Variants in AMOTL1 observed in about 807,000 individuals in gnomAD.
The protein encoded by AMOTL1 is angiomotin like 1.
AMOTL1 carries 45 observed loss-of-function variants against 102.9 expected under a neutral mutation model. That is an observed-to-expected ratio of 0.44 (90% confidence interval 0.34 to 0.56). The LOEUF (loss-of-function observed/expected upper bound fraction) is 0.56, where lower values mean the gene tolerates loss of function less well. Ranked by LOEUF, AMOTL1 falls within the 20% of genes least tolerant of loss-of-function variation. The probability of loss-of-function intolerance (pLI) is 0.01; values close to 1 mark genes in which losing one functional copy is unlikely to be tolerated. For synonymous variants in AMOTL1, 481 were observed against 484.7 expected (o/e 0.99, Z 0.10); for missense variants, 1,114 against 1,225.6 (o/e 0.91, Z 1.36).
At chr11:94,788,896 A>G (rs1207451333) in intron 1 of AMOTL1, among the ~76,000 whole-genome samples, 8 of 152,204 alleles carry the variant, frequency 5.3e-5, no homozygotes, top group Non-Finnish European at 1.0e-4. Context: ...GAGAGAGTCT[A>G]AGTTAAATAG....
intron 1 of AMOTL1, among the ~76,000 whole-genome samples, chr11:94,726,421 T>G (rs942757529): frequency 1.3e-5 from 2 of 152,172 alleles, no homozygotes; most frequent in African/African-American, 4.8e-5. Context: ...ATTCCAGTAT[T>G]CCATAGACCC....
At position 94,831,434 on chromosome 11, in the gene AMOTL1, T is replaced by C. The variant is rs1952068945; in HGVS notation, c.1559-18T>C. The C allele has an allele frequency of 6.3e-7, 1 of 1,592,354 alleles. No individual in the cohort carries two copies. The highest frequency in any genetic ancestry group is 8.6e-7 in the Non-Finnish European group (1 of 1,163,800). On this transcript the variant is annotated intron_variant, in intron 5 of 12. Transcript: ENST00000433060. The stretch of plus-strand genomic sequence containing the variant: ...ATCCATATACATTTCTTTGTAATCA[T>C]TTCCTCTTTGTTCATAGATCGACTA...
chr11:94,773,961 G>A (rs1002527656), intron 1 of AMOTL1, among the ~76,000 whole-genome samples: 2 of 152,148 alleles, frequency 1.3e-5, no homozygotes, highest in African/African-American at 2.4e-5. Flanking sequence ...GTGTGACCTC[G>A]GAATTGTACA....
At chr11:94,829,698 T>C (rs1952036392) in intron 4 of AMOTL1, among the ~76,000 whole-genome samples, 1 of 152,194 alleles carries the variant, frequency 6.6e-6, no homozygotes, top group Admixed American at 6.5e-5. Context: ...ATTTTCCTGA[T>C]GTTAACTGGG....
intron 11 of AMOTL1, 109 bp from the exon 12 acceptor site, chr11:94,869,089 A>G (rs1382312106): frequency 3.2e-6 from 4 of 1,255,296 alleles, no homozygotes; most frequent in Non-Finnish European, 4.3e-6. Context: ...GAATGAATCA[A>G]TGAATGAATG....
intron 1 of AMOTL1, among the ~76,000 whole-genome samples, chr11:94,779,406 A>C (rs1405680263): frequency 4.6e-5 from 7 of 152,206 alleles, no homozygotes; most frequent in African/African-American, 1.7e-4. Flanking sequence ...GGGGAGAGGC[A>C]TATAGATAAT....
chr11:94,792,373 C>T (rs903450000), intron 1 of AMOTL1, among the ~76,000 whole-genome samples: 13 of 152,224 alleles, frequency 8.5e-5, no homozygotes, highest in African/African-American at 3.1e-4. Context: ...ATGTAAATGA[C>T]GAGTTAATGG....
rs1951937513 is a variant in AMOTL1 at position 94,825,033 on chromosome 11, AATGATGGTCGAGGACCCCCAGAAAGAG to A, written c.1413+3219_1413+3245del. Among the ~76,000 whole-genome samples the A allele has an allele frequency of 2.0e-5, 3 of 152,316 alleles. No homozygotes were observed. The South Asian group carries it at 6.2e-4, about 32-fold the overall frequency. ...TAGTGATTATCACTGTTAATGTTGGAATGATGGTCGAGGACCCCCAGAAAGAGATGATGTTTTCAGTCTTTCCTTTTG... is the reference window on the plus strand; with the variant it reads ...TAGTGATTATCACTGTTAATGTTGGAATGATGTTTTCAGTCTTTCCTTTTG... On this transcript the variant is annotated intron_variant, in intron 4 of 12. Coordinates refer to ENST00000433060, the MANE Select transcript of AMOTL1 (RefSeq NM_130847.3).
At position 94,869,236 on chromosome 11, in the gene AMOTL1, G is replaced by A. The variant is rs769297831; in HGVS notation, c.2527G>A (p.Ala843Thr). The change falls in exon 12 of 13, where the codon GCC becomes ACC. Residue 843 changes from alanine (A) to threonine (T), a missense_variant. Ala to Thr is a moderately conservative substitution (Grantham distance 58). Coordinates refer to ENST00000433060, the MANE Select transcript of AMOTL1 (RefSeq NM_130847.3). ...LGKEHHEHASAPLLPPPPTSA... is the reference protein window; with the variant it reads ...LGKEHHEHASTPLLPPPPTSA... Reference sequence around the variant, plus strand: ...GAAGGAGCACCATGAGCATGCCTCTGCCCCACTGCTGCCACCCCCACCCAC... The same window carrying A: ...GAAGGAGCACCATGAGCATGCCTCTACCCCACTGCTGCCACCCCCACCCAC... The A allele has an allele frequency of 1.9e-6, 3 of 1,610,896 alleles. No homozygotes were observed. Among genetic ancestry groups the A allele is most frequent in the South Asian group, 1.1e-5 (1 of 90,878 alleles).
chr11:94,783,807 G>C (rs1406600165), intron 1 of AMOTL1, among the ~76,000 whole-genome samples: 1 of 152,182 alleles, frequency 6.6e-6, no homozygotes, highest in Non-Finnish European at 1.5e-5. Flanking sequence ...GATGCTCACT[G>C]TCATATATCT....
At chr11:94,801,962 A>G (rs571913599) in intron 3 of AMOTL1, among the ~76,000 whole-genome samples, 13 of 152,336 alleles carry the variant, frequency 8.5e-5, no homozygotes, top group Admixed American at 2.6e-4. Context: ...CTCAGTGGCT[A>G]TGTGCAGGAC....
chr11:94,768,462 C>T lies in AMOTL1; in HGVS notation c.-50C>T, dbSNP rs373164930. The T allele has an allele frequency of 1.9e-6, 3 of 1,559,960 alleles. No homozygotes were observed. The highest frequency in any genetic ancestry group is 2.6e-6 in the Non-Finnish European group (3 of 1,153,870). On this transcript the variant is annotated 5_prime_UTR_variant, in exon 1 of 13. Transcript: ENST00000433060. ...GTCCGGCGCCACTTCCCCGCGCTGC[C>T]CGGCAGCCGTCTTCCCCAGCCGAGG...
chr11:94,715,510 C>T (rs777713436), intron 1 of AMOTL1, among the ~76,000 whole-genome samples: 3 of 152,074 alleles, frequency 2.0e-5, no homozygotes, highest in Non-Finnish European at 4.4e-5. Context: ...TGTTTGAGAG[C>T]TTCCTTTAGC....
chr11:94,720,955 G>A (rs1311049102), intron 1 of AMOTL1, among the ~76,000 whole-genome samples: 2 of 152,102 alleles, frequency 1.3e-5, no homozygotes, highest in African/African-American at 4.8e-5. Flanking sequence ...AGCCTTCAGT[G>A]AATATTGAAT....
chr11:94,862,861 A>G (rs549556866), intron 9 of AMOTL1, among the ~76,000 whole-genome samples: 1 of 152,214 alleles, frequency 6.6e-6, no homozygotes, highest in Non-Finnish European at 1.5e-5. Flanking sequence ...TGCTTTCTAC[A>G]TCATTTGGCC....
intron 3 of AMOTL1, among the ~76,000 whole-genome samples, chr11:94,809,472 G>A (rs1483325146): frequency 6.6e-6 from 1 of 152,212 alleles, no homozygotes; most frequent in Non-Finnish European, 1.5e-5. Flanking sequence ...GTTGTGCATG[G>A]CATTGCATTC....
At chr11:94,724,102 T>G (rs186023036) in intron 1 of AMOTL1, among the ~76,000 whole-genome samples, 1 of 152,106 alleles carries the variant, frequency 6.6e-6, no homozygotes, top group African/African-American at 2.4e-5. Context: ...AGAAGGAAGA[T>G]CCCATTGTGT....
Position 94,724,822 on chromosome 11 carries a change from A to T in AMOTL1, c.-50-4099A>T, listed in dbSNP as rs566033727. ...TTATGTATATCCTGATTTACAGTGT[A>T]AGTTACCAGCAAGTACACTTGTTTG... On this transcript the variant is annotated intron_variant, in intron 1 of 4. Coordinates refer to the AMOTL1 transcript ENST00000299004. Among the ~76,000 whole-genome samples, 18 of 152,200 alleles carry T rather than the reference A, an allele frequency of 1.2e-4. No homozygotes were observed. The East Asian group carries it at 2.7e-3, about 23-fold the overall frequency.
chr11:94,741,745 T>G (rs1950530651), intron 3 of AMOTL1, among the ~76,000 whole-genome samples: 1 of 152,064 alleles, frequency 6.6e-6, no homozygotes, highest in Non-Finnish European at 1.5e-5. Flanking sequence ...CTTTCAAGGT[T>G]AGTTTAGCTG....
Sources: allele counts gnomAD v4.1 joint callset (sites outside exome capture counted in the v4.1 genomes callset), GRCh38; gene constraint gnomAD v4.1.1; transcripts MANE v1.5; gene names NCBI Gene and HGNC (gene_info 2026-07-23, HGNC 2026-07-21).